AFAP1L2: variants seen among roughly 807,000 people sequenced by gnomAD.
AFAP1L2 encodes actin filament-associated protein 1-like 2.
AFAP1L2 carries 46 observed loss-of-function variants against 99.3 expected under a neutral mutation model. That is an observed-to-expected ratio of 0.46 (90% CI 0.37 to 0.59). The LOEUF is 0.59. AFAP1L2 is among the 20% of genes least tolerant of loss of function. The probability of loss-of-function intolerance (pLI) is 0.00; values close to 1 mark genes in which losing one functional copy is unlikely to be tolerated. For missense variants in AFAP1L2, 959 were observed against 1,034.9 expected, an observed-to-expected ratio of 0.93 and a Z score of 1.01; for synonymous variants, 397 against 419.1, an observed-to-expected ratio of 0.95 and a Z score of 0.64.
rs908001764 is a variant in AFAP1L2, at chr10:114,336,620, A to T, written c.146-3325T>A. On this transcript the variant is annotated intron_variant, in intron 2 of 18. Coordinates refer to ENST00000304129, the MANE Select transcript of AFAP1L2 (RefSeq NM_001001936.3). ...GAGGAGGAACATGAACCTCTTTGCT[A>T]CCACTGGATACAGAACATTTGAAGT... Among the ~76,000 whole-genome samples the T allele has an allele frequency of 3.3e-5, 5 of 150,702 alleles. No individual in the cohort carries two copies. In the East Asian group the frequency reaches 9.8e-4, roughly 30 times the overall value.
chr10:114,309,538 C>T (rs2042901448), intron 8 of AFAP1L2, among the ~76,000 whole-genome samples: 2 of 152,210 alleles, frequency 1.3e-5, no homozygotes, highest in African/African-American at 4.8e-5. Flanking sequence ...TACTCAGGGA[C>T]AGGAAATGTG....
At chr10:114,316,334 C>T (rs1326133090) in intron 5 of AFAP1L2, among the ~76,000 whole-genome samples, 1 of 152,184 alleles carries the variant, frequency 6.6e-6, no homozygotes, top group Non-Finnish European at 1.5e-5. Flanking sequence ...TGTGGCTCCT[C>T]AGAAATAAAA....
At chr10:114,367,354 A>G (rs1181959843) in intron 1 of AFAP1L2, among the ~76,000 whole-genome samples, 2 of 152,152 alleles carry the variant, frequency 1.3e-5, no homozygotes, top group Non-Finnish European at 2.9e-5. Flanking sequence ...CTTGTTACAG[A>G]GAGCAAATTT....
At chr10:114,301,488 C>T (rs754447950) in intron 12 of AFAP1L2, 23 bp from the exon 13 acceptor site, 1 of 1,549,748 alleles carries the variant, frequency 6.5e-7, no homozygotes, top group Admixed American at 1.7e-5. Context: ...CGAGGTGGCA[C>T]ACATGAAGCA....
intron 1 of AFAP1L2, among the ~76,000 whole-genome samples, chr10:114,389,422 T>C (rs565988595): frequency 1.3e-5 from 2 of 152,292 alleles, no homozygotes; most frequent in African/African-American, 4.8e-5. Flanking sequence ...ATCTCCTAAG[T>C]GAAGAGGAGC....
the AFAP1L2 span, chr10:114,286,164 G>A: frequency 6.2e-7 from 1 of 1,614,126 alleles, no homozygotes. Flanking sequence ...GACCTGGTCT[G>A]GAGCCTCGAT....
the AFAP1L2 span, among the ~76,000 whole-genome samples, chr10:114,283,585 C>A: frequency 0.013 from 1,931 of 152,318 alleles, 20 homozygotes; most frequent in Admixed American, 0.023. Context: ...TCAGTCCCAG[C>A]TTTGCCTCTT....
At chr10:114,327,158 TA>T (rs1432396114) in intron 4 of AFAP1L2, among the ~76,000 whole-genome samples, 1 of 80,374 alleles carries the variant, frequency 1.2e-5, no homozygotes, top group African/African-American at 3.2e-5. Flanking sequence ...TATATATATA[TA>T]TATATATATA....
At chr10:114,404,532 CG>C, upstream of AFAP1L2, 1 of 1,474,546 alleles carries the variant, frequency 6.8e-7, no homozygotes, top group Non-Finnish European at 8.9e-7. Context: ...CCCAGGCCGC[CG>C]CGCTGGCCCC....
the AFAP1L2 span, among the ~76,000 whole-genome samples, chr10:114,286,960 G>A: frequency 6.6e-6 from 1 of 152,222 alleles, no homozygotes; most frequent in Non-Finnish European, 1.5e-5. Flanking sequence ...ACGGATGCAT[G>A]TGCATGCACA....
At chr10:114,343,993 G>A (rs776877846) in intron 1 of AFAP1L2, among the ~76,000 whole-genome samples, 20 of 152,184 alleles carry the variant, frequency 1.3e-4, no homozygotes, top group South Asian at 4.1e-4. Flanking sequence ...TGAAAGGAGC[G>A]TGATGATGGC....
intron 2 of AFAP1L2, among the ~76,000 whole-genome samples, chr10:114,335,335 G>A (rs548846283): frequency 1.3e-5 from 2 of 151,844 alleles, no homozygotes; most frequent in African/African-American, 4.8e-5. Context: ...ACATATGGCC[G>A]GGCACGGTGG....
intron 11 of AFAP1L2, 41 bp downstream of exon 11, chr10:114,304,678 A>T (rs1451911819): frequency 2.0e-6 from 3 of 1,527,532 alleles, no homozygotes; most frequent in Non-Finnish European, 2.7e-6. Context: ...CACCACCGCC[A>T]CACCCTGGCT....
chr10:114,304,622 T>C (rs2041810439), intron 11 of AFAP1L2, 97 bp downstream of exon 11: 10 of 1,178,566 alleles, frequency 8.5e-6, no homozygotes, highest in Non-Finnish European at 3.5e-6. Context: ...GGGACATTGA[T>C]TCTCCCTTAG....
intron 2 of AFAP1L2, among the ~76,000 whole-genome samples, chr10:114,339,131 C>G (rs2048394608): frequency 6.6e-6 from 1 of 152,240 alleles, no homozygotes; most frequent in Non-Finnish European, 1.5e-5. Flanking sequence ...TATTCCATCT[C>G]TACTTTCAAC....
Position 114,301,396 on chromosome 10 carries a change from C to A in AFAP1L2, c.1500G>T (p.Glu500Asp). 3.1e-6 allele frequency: 5 copies of A among 1,614,268 alleles called. No individual in the cohort carries two copies. Among genetic ancestry groups the A allele is most frequent in the Non-Finnish European group, 4.2e-6 (5 of 1,180,042 alleles). The change falls in exon 13 of 19, where the codon GAG becomes GAT. Residue 500 changes from glutamate to aspartate, a missense_variant. By Grantham distance (45) the Glu-to-Asp change is conservative. Transcript: ENST00000304129. ...ACAGGTCCACGTCGTCATACAGCTC[C>A]TCCTGGCGGTCCTGGCTAGGCAGGC... ...IDGLPSQDRQEELYDDVDLSE... is the reference protein window; with the variant it reads ...IDGLPSQDRQDELYDDVDLSE...
intron 1 of AFAP1L2, among the ~76,000 whole-genome samples, chr10:114,360,346 A>G (rs1488406211): frequency 1.3e-5 from 2 of 152,192 alleles, no homozygotes; most frequent in Non-Finnish European, 2.9e-5. Context: ...GACTCAAACT[A>G]GAACTACACC....
chr10:114,350,504 T>C (rs1161583995), intron 1 of AFAP1L2, among the ~76,000 whole-genome samples: 6 of 152,174 alleles, frequency 3.9e-5, no homozygotes, highest in African/African-American at 1.2e-4. Flanking sequence ...TCTAAACAGA[T>C]AGACAGACAC....
At chr10:114,317,288 A>G (rs1402107180) in intron 5 of AFAP1L2, among the ~76,000 whole-genome samples, 1 of 152,264 alleles carries the variant, frequency 6.6e-6, no homozygotes, top group Non-Finnish European at 1.5e-5. Flanking sequence ...AACATTTTAA[A>G]CATTTTAGTA....
Sources: gnomAD v4.1 joint callset for allele counts (sites outside exome capture counted in the v4.1 genomes callset) on GRCh38, gnomAD v4.1.1 for gene constraint, MANE v1.5 for transcripts, NCBI Gene and HGNC (gene_info 2026-07-23, HGNC 2026-07-21) for gene names.